FGD5: variants seen among roughly 807,000 people sequenced by gnomAD.
The protein encoded by FGD5 is FYVE, RhoGEF and PH domain-containing protein 5.
In FGD5, 28 loss-of-function variants were observed where a neutral mutation model predicts 133.4. The ratio of observed to expected loss-of-function variants is 0.21; its 90% CI spans 0.16 to 0.29. The LOEUF (loss-of-function observed/expected upper bound fraction) is 0.29, where lower values mean the gene tolerates loss of function less well. Ranked by LOEUF, FGD5 falls within the 10% of genes least tolerant of loss-of-function variation. The pLI, the probability that FGD5 is intolerant of heterozygous loss-of-function variation, is 1.00. For synonymous variants in FGD5, 810 were observed against 776.5 expected, an observed-to-expected ratio of 1.04 and a Z score of -0.72; for missense variants, 1,858 against 1,895.2, an observed-to-expected ratio of 0.98 and a Z score of 0.36.
intron 1 of FGD5, among the ~76,000 whole-genome samples, chr3:14,833,326 C>A (rs2036754596): frequency 6.6e-6 from 1 of 152,094 alleles, no homozygotes; most frequent in Non-Finnish European, 1.5e-5. Flanking sequence ...TGGATAGGGC[C>A]CAAAATCTCC....
chr3:14,921,853 T>G, intron 13 of FGD5, 65 bp from the exon 14 acceptor site: 2 of 1,474,220 alleles, frequency 1.4e-6, no homozygotes, highest in Non-Finnish European at 1.9e-6. Context: ...ACCTCATCCA[T>G]GCCGAGATGG....
At chr3:14,850,046 G>A (rs2037129156) in intron 1 of FGD5, among the ~76,000 whole-genome samples, 1 of 152,188 alleles carries the variant, frequency 6.6e-6, no homozygotes, top group Non-Finnish European at 1.5e-5. Context: ...AAATTATAGT[G>A]TCCTCTGTGA....
chr3:14,844,511 C>T (rs544269233), intron 1 of FGD5, among the ~76,000 whole-genome samples: 4 of 151,508 alleles, frequency 2.6e-5, no homozygotes, highest in East Asian at 4.0e-4. Context: ...CCTTGGGACC[C>T]GACTGACACT....
In FGD5 at chr3:14,879,804, G is replaced by A. The variant is rs74358072; in HGVS notation, c.2659-768G>A. Reference sequence around the variant, plus strand: ...TTGGAGGAGGTGCTGCCGTGGCTAAGTCTTATAGGATGACTGGGAGTTAGC... The same window carrying A: ...TTGGAGGAGGTGCTGCCGTGGCTAAATCTTATAGGATGACTGGGAGTTAGC... On this transcript the variant is annotated intron_variant, in intron 2 of 19. Transcript: ENST00000285046. Among the ~76,000 whole-genome samples the A allele has an allele frequency of 7.3e-3, 1,106 of 152,310 alleles. 13 individuals carry two copies. The highest frequency in any genetic ancestry group is 0.025 in the African/African-American group (1,049 of 41,562).
chr3:14,827,629 C>G (rs1285794966), intron 1 of FGD5, among the ~76,000 whole-genome samples: 3 of 152,124 alleles, frequency 2.0e-5, no homozygotes. Context: ...GGACACCTTT[C>G]TTTTCTGCTG....
intron 1 of FGD5, among the ~76,000 whole-genome samples, chr3:14,850,416 A>G (rs2037136864): frequency 6.6e-6 from 1 of 152,192 alleles, no homozygotes; most frequent in Admixed American, 6.5e-5. Flanking sequence ...TTTGTCTCCT[A>G]ATACTTGTCT....
chr3:14,931,235 G>T (rs1296154874), intron 18 of FGD5: 2 of 152,168 alleles, frequency 1.3e-5, no homozygotes, highest in African/African-American at 4.8e-5. Flanking sequence ...TTGCTAAGAG[G>T]TTTGTTTTTT....
intron 2 of FGD5, among the ~76,000 whole-genome samples, chr3:14,865,836 A>G (rs1258814904): frequency 1.3e-5 from 2 of 151,700 alleles, no homozygotes; most frequent in Admixed American, 6.6e-5. Flanking sequence ...TGACCTCTCC[A>G]CTCCTCCTCT....
upstream of FGD5, among the ~76,000 whole-genome samples, chr3:14,818,605 G>C (rs1457496373): frequency 6.6e-6 from 1 of 152,174 alleles, no homozygotes; most frequent in African/African-American, 2.4e-5. Flanking sequence ...CTTTTCCCAT[G>C]GTTGCTGGGT....
At chr3:14,864,856 T>C (rs908165531) in intron 2 of FGD5, among the ~76,000 whole-genome samples, 10 of 152,118 alleles carry the variant, frequency 6.6e-5, no homozygotes, top group Non-Finnish European at 1.5e-4. Context: ...ACACTCTCTA[T>C]TGGACACTCA....
intron 1 of FGD5, among the ~76,000 whole-genome samples, chr3:14,840,521 C>T (rs1176656284): frequency 6.6e-6 from 1 of 151,960 alleles, no homozygotes; most frequent in Admixed American, 6.6e-5. Context: ...TGAGCATACT[C>T]TTCTGGATCT....
rs760773320 is a variant in FGD5 at position 14,826,038 on chromosome 3, A to G, written c.2525+4442A>G. Among the ~76,000 whole-genome samples, 103 of 152,200 alleles carry G rather than the reference A, an allele frequency of 6.8e-4. 1 individual carries two copies. Among genetic ancestry groups the G allele is most frequent in the Non-Finnish European group, 1.3e-4 (9 of 68,038 alleles). ...TGACACAGACTCACTTGTCCTAAAT[A>G]TCTCATTTAAATCTTCATCATCATA... is the stretch of plus-strand genomic sequence containing the variant. On this transcript the variant is annotated intron_variant, in intron 1 of 19. Coordinates refer to ENST00000285046, the MANE Select transcript of FGD5 (RefSeq NM_152536.4).
intron 1 of FGD5, among the ~76,000 whole-genome samples, chr3:14,858,776 C>T (rs914749515): frequency 1.3e-5 from 2 of 152,076 alleles, no homozygotes; most frequent in Non-Finnish European, 2.9e-5. Flanking sequence ...AATCTTTTTC[C>T]CCAAGGGAAG....
intron 1 of FGD5, among the ~76,000 whole-genome samples, chr3:14,824,096 G>A (rs756377115): frequency 6.6e-6 from 1 of 152,302 alleles, no homozygotes; most frequent in East Asian, 1.9e-4. Flanking sequence ...TTTCGCCAAA[G>A]GCCAGACTGA....
intron 1 of FGD5, chr3:14,810,984 AGT>A: frequency 1.2e-6 from 1 of 856,128 alleles, no homozygotes; most frequent in Non-Finnish European, 1.4e-6. Context: ...CCGACCTTCC[AGT>A]GCCGCTCGGC....
chr3:14,920,482 C>A (rs1260429304), intron 13 of FGD5: 1 of 151,666 alleles, frequency 6.6e-6, no homozygotes, highest in Non-Finnish European at 1.5e-5. Flanking sequence ...CATAGTGAGA[C>A]CCTGTCTCAA....
chr3:14,865,182 C>A (rs1379948707), intron 2 of FGD5, among the ~76,000 whole-genome samples: 1 of 133,076 alleles, frequency 7.5e-6, no homozygotes, highest in Non-Finnish European at 1.5e-5. Flanking sequence ...AAGAGTGAAG[C>A]GCCCCCTTCG....
intron 7 of FGD5, among the ~76,000 whole-genome samples, chr3:14,900,106 A>G (rs528290706): frequency 3.2e-4 from 48 of 152,282 alleles, no homozygotes; most frequent in Admixed American, 2.8e-3. Context: ...TGTCGCCCCC[A>G]GTGGGCTGTG....
In FGD5 at chr3:14,819,511, G is replaced by A. The variant is rs1237908795; in HGVS notation, c.440G>A (p.Gly147Glu). ...EGTDLALEDE[G>E]EGCADEPGTL... ...ACAGACCTTGCTCTTGAGGATGAAGGGGAGGGCTGCGCTGATGAGCCAGGG... is the reference window on the plus strand; with the variant it reads ...ACAGACCTTGCTCTTGAGGATGAAGAGGAGGGCTGCGCTGATGAGCCAGGG... Residue 147 changes from glycine to glutamate, a missense_variant, in exon 1 of 20, where the codon GGG (glycine) becomes GAG (glutamate). Physicochemically the swap from Gly to Glu is moderately conservative, Grantham distance 98. Transcript: ENST00000285046. This position sits in a 1 kb window ranked among gnomAD's most constrained non-coding sequence, Gnocchi z 4.1. The A allele has an allele frequency of 2.6e-6, 4 of 1,551,486 alleles. No individual in the cohort carries two copies. Among genetic ancestry groups the A allele is most frequent in the Non-Finnish European group, 2.6e-6 (3 of 1,146,982 alleles).
Sources: gnomAD v4.1 joint callset for allele counts (sites outside exome capture counted in the v4.1 genomes callset) on GRCh38, gnomAD v4.1.1 for gene constraint, Gnocchi (gnomAD v3.1) non-coding constraint, MANE v1.5 for transcripts, NCBI Gene and HGNC (gene_info 2026-07-23, HGNC 2026-07-21) for gene names.